The following MMRN1 variants were observed in gnomAD, a reference collection of about 807,000 sequenced individuals.
MMRN1 encodes the protein multimerin-1.
In MMRN1, 94 loss-of-function variants were observed where a neutral mutation model predicts 100.7. The observed-to-expected ratio is 0.93, with a 90% CI of 0.79 to 1.11. The LOEUF is 1.11. Among genes scored for constraint, MMRN1 ranks in the 50% least tolerant of loss-of-function variants. The pLI, the probability that MMRN1 is intolerant of heterozygous loss-of-function variation, is 0.00. For missense variants in MMRN1, 1,606 were observed against 1,439.1 expected (o/e 1.12, Z -1.88); for synonymous variants, 575 against 505.0 (o/e 1.14, Z -1.86).
chr4:89,947,942 T>C (rs915597428), intron 6 of MMRN1, among the ~76,000 whole-genome samples: 2 of 152,170 alleles, frequency 1.3e-5, no homozygotes, highest in African/African-American at 4.8e-5. Context: ...AACCTCCGCC[T>C]CCTGGGTTCA....
intron 1 of MMRN1, among the ~76,000 whole-genome samples, chr4:89,907,299 A>G (rs1721598005): frequency 1.3e-5 from 2 of 151,540 alleles, no homozygotes; most frequent in South Asian, 4.1e-4. Context: ...GGGGCCTGAA[A>G]TTTTAAACAT....
At chr4:89,928,118 T>C in intron 5 of MMRN1, 150 bp downstream of exon 5, 1 of 566,504 alleles carries the variant, frequency 1.8e-6, no homozygotes, top group East Asian at 3.2e-5. Context: ...ATAAATTCAC[T>C]AAAATTCTGA....
intron 6 of MMRN1, among the ~76,000 whole-genome samples, chr4:89,945,866 G>A (rs1244977756): frequency 6.6e-6 from 1 of 152,140 alleles, no homozygotes; most frequent in African/African-American, 2.4e-5. Flanking sequence ...AACAATTGGT[G>A]TGATATAAAA....
intron 4 of MMRN1, among the ~76,000 whole-genome samples, chr4:89,924,614 G>A (rs1305847064): frequency 6.6e-6 from 1 of 151,798 alleles, no homozygotes; most frequent in Non-Finnish European, 1.5e-5. Flanking sequence ...GGAGGCCGAG[G>A]CGGGTGGATC....
rs561098844 is a variant in MMRN1 at position 89,889,618 on chromosome 4, G to T, written c.-248-5106G>T. On this transcript the variant is annotated intron_variant, in intron 1 of 8. Transcript: ENST00000394980. ...ATTGTTGATTGTTCACTGTATTCCC[G>T]AGTGCAGCCCTGGTGTGGCCCTGCG... Among the ~76,000 whole-genome samples, 4 of 152,148 alleles carry T rather than the reference G, an allele frequency of 2.6e-5. No individual in the cohort carries two copies. In the East Asian group the frequency reaches 5.8e-4, roughly 22 times the overall value.
intron 6 of MMRN1, among the ~76,000 whole-genome samples, chr4:89,939,138 C>T (rs147926762): frequency 1.3e-5 from 2 of 152,208 alleles, no homozygotes; most frequent in Non-Finnish European, 2.9e-5. Flanking sequence ...TAAACTACTA[C>T]TTTTGATACC....
At chr4:89,944,567 TA>T (rs1199301160) in intron 6 of MMRN1, among the ~76,000 whole-genome samples, 1 of 152,152 alleles carries the variant, frequency 6.6e-6, no homozygotes, top group Non-Finnish European at 1.5e-5. Flanking sequence ...TCATTGTAAT[TA>T]GGGAAGCAGA....
At chr4:89,894,750 C>A (rs907155603), upstream of MMRN1, 6 of 614,190 alleles carry the variant, frequency 9.8e-6, no homozygotes, top group African/African-American at 9.3e-5. Flanking sequence ...TCAGCACTTC[C>A]ATAGAGCCAT....
At chr4:89,946,601 G>A (rs762593069) in intron 6 of MMRN1, among the ~76,000 whole-genome samples, 2 of 151,986 alleles carry the variant, frequency 1.3e-5, no homozygotes, top group African/African-American at 2.4e-5. Context: ...TGAATAGAGC[G>A]GTAAACTCAA....
At chr4:89,924,194 G>T (rs1437013021) in intron 4 of MMRN1, among the ~76,000 whole-genome samples, 1 of 152,144 alleles carries the variant, frequency 6.6e-6, no homozygotes, top group Non-Finnish European at 1.5e-5. Context: ...AAATGCTGAG[G>T]TATTGAATTT....
At chr4:89,916,160 CAACA>C (rs1400531497) in intron 3 of MMRN1, among the ~76,000 whole-genome samples, 14 of 151,534 alleles carry the variant, frequency 9.2e-5, no homozygotes, top group Non-Finnish European at 2.1e-4. Context: ...GAACTCCAGT[CAACA>C]AACAAAGGTA....
In MMRN1 at chr4:89,894,939, T is replaced by A. The variant is rs1284388597; in HGVS notation, c.-33T>A. 7.6e-6 allele frequency: 12 copies of A among 1,569,484 alleles called. No homozygotes were observed. The highest frequency in any genetic ancestry group is 1.4e-5 in the African/African-American group (1 of 73,194). Reference sequence around the variant, plus strand: ...GGCCATAAGGATTTTGTCCCCAAATTTCACATGAGCTACCTTGCTTCAAAC... The same window carrying A: ...GGCCATAAGGATTTTGTCCCCAAATATCACATGAGCTACCTTGCTTCAAAC... On this transcript the variant is annotated 5_prime_UTR_variant, in exon 1 of 8. Coordinates refer to ENST00000264790, the MANE Select transcript of MMRN1 (RefSeq NM_007351.3).
intron 1 of MMRN1, among the ~76,000 whole-genome samples, chr4:89,883,202 T>C (rs1720859579): frequency 6.6e-6 from 1 of 152,142 alleles, no homozygotes; most frequent in Non-Finnish European, 1.5e-5. Context: ...CTGTTACGAA[T>C]ATTCTTGAAC....
chr4:89,886,323 G>A (rs1720936529), intron 1 of MMRN1, among the ~76,000 whole-genome samples: 1 of 151,984 alleles, frequency 6.6e-6, no homozygotes, highest in African/African-American at 2.4e-5. Context: ...TTATTTAGAA[G>A]TATATTGTTT....
intron 1 of MMRN1, among the ~76,000 whole-genome samples, chr4:89,903,839 T>C (rs1053492349): frequency 2.8e-4 from 42 of 151,240 alleles, no homozygotes; most frequent in African/African-American, 1.0e-3. Flanking sequence ...TTATTTTCTT[T>C]TGCTTATGCA....
chr4:89,919,411 C>A (rs1578482510), intron 3 of MMRN1, among the ~76,000 whole-genome samples: 1 of 151,382 alleles, frequency 6.6e-6, no homozygotes, highest in Non-Finnish European at 1.5e-5. Flanking sequence ...TGGGTGAATG[C>A]CATTATGATG....
chr4:89,898,811 C>T (rs180941576), intron 1 of MMRN1, among the ~76,000 whole-genome samples: 5 of 152,106 alleles, frequency 3.3e-5, no homozygotes, highest in Admixed American at 2.6e-4. Context: ...CCTTTCTAAT[C>T]GCTCCTACAG....
chr4:89,914,146 C>A (rs914302173), intron 3 of MMRN1, among the ~76,000 whole-genome samples: 15 of 151,362 alleles, frequency 9.9e-5, no homozygotes, highest in Non-Finnish European at 1.5e-5. Flanking sequence ...CTTCTAATAG[C>A]TAACCAAATT....
intron 4 of MMRN1, among the ~76,000 whole-genome samples, chr4:89,924,714 T>A (rs1722193191): frequency 6.6e-6 from 1 of 151,908 alleles, no homozygotes; most frequent in Admixed American, 6.6e-5. Flanking sequence ...CGTGGTGGTG[T>A]GTGCCTGTAA....
Sources: allele counts gnomAD v4.1 joint callset (sites outside exome capture counted in the v4.1 genomes callset), GRCh38; gene constraint gnomAD v4.1.1; transcripts MANE v1.5; gene names NCBI Gene and HGNC (gene_info 2026-07-23, HGNC 2026-07-21).